Variants in AKAIN1 observed in about 807,000 individuals in gnomAD.
AKAIN1 encodes the protein A-kinase anchor inhibitor 1.
A neutral mutation model predicts 3.7 loss-of-function variants in AKAIN1; 3 were observed. The ratio of observed to expected loss-of-function variants is 0.82; its 90% CI spans 0.37 to 2.12. The LOEUF is 2.12. AKAIN1 is among the 30% of genes most tolerant of loss of function. The pLI is 0.06. For synonymous variants in AKAIN1, 31 were observed against 30.8 expected, an observed-to-expected ratio of 1.01 and a Z score of -0.02; for missense variants, 82 against 82.7, an observed-to-expected ratio of 0.99 and a Z score of 0.03.
chr18:5,179,445 C>T (rs2071244868), intron 1 of AKAIN1, among the ~76,000 whole-genome samples: 1 of 150,592 alleles, frequency 6.6e-6, no homozygotes, highest in African/African-American at 2.4e-5. Context: ...ATATGTATAC[C>T]ATATTTTCTT....
chr18:5,145,827 G>A, intron 1 of AKAIN1, 72 bp from the exon 2 acceptor site: 2 of 1,299,462 alleles, frequency 1.5e-6, no homozygotes, highest in East Asian at 5.0e-5. Context: ...GAAAGGTAGA[G>A]GAGAAAGATG....
chr18:5,162,402 C>T (rs1223477877), intron 1 of AKAIN1, among the ~76,000 whole-genome samples: 1 of 152,006 alleles, frequency 6.6e-6, no homozygotes, highest in African/African-American at 2.4e-5. Flanking sequence ...CTACTACAGA[C>T]CAGGCAACAT....
intron 1 of AKAIN1, among the ~76,000 whole-genome samples, chr18:5,180,969 C>A (rs2071254439): frequency 6.6e-6 from 1 of 151,938 alleles, no homozygotes; most frequent in Non-Finnish European, 1.5e-5. Context: ...TGGAGTGCCA[C>A]AGCAACACTT....
At chr18:5,154,666 C>T (rs1441078818) in intron 1 of AKAIN1, among the ~76,000 whole-genome samples, 1 of 152,046 alleles carries the variant, frequency 6.6e-6, no homozygotes, top group African/African-American at 2.4e-5. Context: ...GTGGGACACG[C>T]CTTGTTCTAT....
chr18:5,189,241 A>G (rs141790226), intron 1 of AKAIN1, among the ~76,000 whole-genome samples: 179 of 152,258 alleles, frequency 1.2e-3, no homozygotes, highest in Non-Finnish European at 1.9e-3. Flanking sequence ...GGGACAACCT[A>G]GAAGATCTTC....
intron 1 of AKAIN1, among the ~76,000 whole-genome samples, chr18:5,169,555 T>C (rs79017718): frequency 6.6e-6 from 1 of 151,952 alleles, no homozygotes; most frequent in Non-Finnish European, 1.5e-5. Context: ...GGCATAGGAG[T>C]TGAAATCTAC....
chr18:5,169,808 A>G (rs2071187482), intron 1 of AKAIN1, among the ~76,000 whole-genome samples: 1 of 152,174 alleles, frequency 6.6e-6, no homozygotes, highest in Admixed American at 6.6e-5. Flanking sequence ...ACTTCATAAT[A>G]ATCTACATAC....
intron 1 of AKAIN1, among the ~76,000 whole-genome samples, chr18:5,157,577 G>C (rs1382925512): frequency 5.9e-5 from 9 of 152,130 alleles, no homozygotes; most frequent in Admixed American, 5.9e-4. Context: ...TCACTTAGCA[G>C]ACGTGGACTT....
rs1464850508 is a variant in AKAIN1, at chr18:5,197,228, A to G, written c.-175T>C. ...CGCTAGATCCTGGGGCCGCAGCTCC[A>G]GCCGCCGCCGCGCGCTCTGCCTCCA... On this transcript the variant is annotated 5_prime_UTR_variant, in exon 1 of 2. Transcript: ENST00000434239. The surrounding 1 kb of genome is among the most constrained non-coding windows in gnomAD (Gnocchi z 6.9). The G allele has an allele frequency of 7.2e-7, 1 of 1,384,818 alleles. No homozygotes were observed. Among genetic ancestry groups the G allele is most frequent in the Non-Finnish European group, 9.3e-7 (1 of 1,079,520 alleles). 85.8% of individuals were successfully genotyped at this position (1,384,818 alleles called of 1,614,324 possible). A position where few individuals can be genotyped will look rare whatever the true frequency, so the allele number is the denominator to read the frequency against.
At chr18:5,187,258 T>C (rs888037526) in intron 1 of AKAIN1, among the ~76,000 whole-genome samples, 1 of 152,116 alleles carries the variant, frequency 6.6e-6, no homozygotes, top group Non-Finnish European at 1.5e-5. Context: ...ATCTTTGAAA[T>C]GATTTTAAAA....
intron 1 of AKAIN1, among the ~76,000 whole-genome samples, chr18:5,193,188 T>C (rs2071331397): frequency 6.6e-6 from 1 of 152,220 alleles, no homozygotes; most frequent in African/African-American, 2.4e-5. Flanking sequence ...GAAATATTTT[T>C]CAGATGAAGC....
intron 1 of AKAIN1, among the ~76,000 whole-genome samples, chr18:5,159,026 G>A (rs2071124131): frequency 6.6e-6 from 1 of 152,054 alleles, no homozygotes; most frequent in Admixed American, 6.5e-5. Flanking sequence ...CCTAGTATAT[G>A]TGGCTTTTCT....
At chr18:5,192,982 T>C (rs2071330283) in intron 1 of AKAIN1, among the ~76,000 whole-genome samples, 1 of 152,224 alleles carries the variant, frequency 6.6e-6, no homozygotes, top group Admixed American at 6.5e-5. Context: ...TGAAAGACTA[T>C]GCTAACAGAA....
rs1218576056 is a variant in AKAIN1 at position 5,145,612 on chromosome 18, G to T, written c.160C>A (p.His54Asn). ...REERISDNRD[H>N]IQLGVGELTK... ...AACTCCCCAACGCCCAGTTGGATGT[G>T]GTCCCGGTTGTCACTGATTCTCTCT... Residue 54 changes from histidine (H) to asparagine (N), a missense_variant, in exon 2 of 2, where the codon CAC (histidine) becomes AAC (asparagine). By Grantham distance (68) the His-to-Asn change is moderately conservative. Transcript: ENST00000434239. The T allele has an allele frequency of 1.9e-6, 3 of 1,551,530 alleles. No individual in the cohort carries two copies. Among genetic ancestry groups the T allele is most frequent in the Non-Finnish European group, 2.6e-6 (3 of 1,146,950 alleles).
rs1954292943 is a variant in AKAIN1, at chr18:5,179,849, G to A, written c.16+17189C>T. Among the ~76,000 whole-genome samples, 2 of 152,092 alleles carry A rather than the reference G, an allele frequency of 1.3e-5. 1 individual carries two copies. The highest frequency in any genetic ancestry group is 4.1e-4 in the South Asian group (2 of 4,822). On this transcript the variant is annotated intron_variant, in intron 1 of 1. Transcript: ENST00000434239. ...TTTATTGTTGTTTAAAGGCACTGAAGGCCATTTCTTTATAAGGTATATTTA... is the reference window on the plus strand; with the variant it reads ...TTTATTGTTGTTTAAAGGCACTGAAAGCCATTTCTTTATAAGGTATATTTA...
chr18:5,174,195 C>T (rs2071213095), intron 1 of AKAIN1, among the ~76,000 whole-genome samples: 1 of 152,074 alleles, frequency 6.6e-6, no homozygotes, highest in Non-Finnish European at 1.5e-5. Context: ...TCCTGAGGAC[C>T]ATTGCCTAGG....
At chr18:5,168,606 G>A (rs1246447887) in intron 1 of AKAIN1, among the ~76,000 whole-genome samples, 3 of 151,898 alleles carry the variant, frequency 2.0e-5, no homozygotes, top group Non-Finnish European at 4.4e-5. Flanking sequence ...CAAATTTTTT[G>A]TAACTTTGTC....
chr18:5,178,164 T>A (rs2071236731), intron 1 of AKAIN1, among the ~76,000 whole-genome samples: 1 of 152,140 alleles, frequency 6.6e-6, no homozygotes, highest in Admixed American at 6.6e-5. Flanking sequence ...AAAGCAGGAC[T>A]CATCTGCCTA....
At chr18:5,196,597 G>A (rs1477743259) in intron 1 of AKAIN1, among the ~76,000 whole-genome samples, 1 of 152,222 alleles carries the variant, frequency 6.6e-6, no homozygotes, top group African/African-American at 2.4e-5. Context: ...TCCTCGGGAG[G>A]CCAGGAGGAC....
Sources: allele counts gnomAD v4.1 joint callset (sites outside exome capture counted in the v4.1 genomes callset), GRCh38; gene constraint gnomAD v4.1.1; non-coding constraint Gnocchi (gnomAD v3.1); transcripts MANE v1.5; gene names NCBI Gene and HGNC (gene_info 2026-07-23, HGNC 2026-07-21).